The following PTPN4 variants were observed in gnomAD, a reference collection of about 807,000 sequenced individuals.
PTPN4 encodes protein tyrosine phosphatase non-receptor type 4.
Under a neutral mutation model 135.5 loss-of-function variants are expected in PTPN4, and 49 were observed. The ratio of observed to expected loss-of-function variants is 0.36; its 90% CI spans 0.29 to 0.46. The LOEUF is 0.46. Among genes scored for constraint, PTPN4 ranks in the 20% least tolerant of loss-of-function variants. The pLI is 1.00. For synonymous variants in PTPN4, 333 were observed against 369.9 expected, an observed-to-expected ratio of 0.90 and a Z score of 1.14; for missense variants, 860 against 1,101.0, an observed-to-expected ratio of 0.78 and a Z score of 3.10.
At chr2:119,891,097 A>T (rs1291307872) in intron 9 of PTPN4, among the ~76,000 whole-genome samples, 1 of 152,172 alleles carries the variant, frequency 6.6e-6, no homozygotes. Context: ...GCTTGGGGGT[A>T]CAAGTAACAT....
At chr2:119,782,084 G>C (rs1690949731) in intron 1 of PTPN4, among the ~76,000 whole-genome samples, 1 of 152,086 alleles carries the variant, frequency 6.6e-6, no homozygotes, top group Non-Finnish European at 1.5e-5. Flanking sequence ...CTGTCCAGTA[G>C]GATAACCACT....
At chr2:119,896,754 A>G (rs1037391986) in intron 9 of PTPN4, among the ~76,000 whole-genome samples, 3 of 152,212 alleles carry the variant, frequency 2.0e-5, no homozygotes, top group African/African-American at 7.2e-5. Context: ...AACACATGGA[A>G]AAGAATGTTT....
At chr2:119,885,675 G>T in intron 8 of PTPN4, 120 bp from the exon 9 acceptor site, 2 of 610,294 alleles carry the variant, frequency 3.3e-6, no homozygotes, top group Non-Finnish European at 5.6e-6. Context: ...GTCCTGCATG[G>T]TGTTTCATAG....
chr2:119,789,160 T>C (rs1336612138), intron 1 of PTPN4, among the ~76,000 whole-genome samples: 1 of 152,076 alleles, frequency 6.6e-6, no homozygotes, highest in African/African-American at 2.4e-5. Flanking sequence ...GGTTTTAATA[T>C]GCGTTTTCCT....
chr2:119,836,773 C>G (rs1259072025), intron 2 of PTPN4, among the ~76,000 whole-genome samples: 1 of 152,208 alleles, frequency 6.6e-6, no homozygotes, highest in Non-Finnish European at 1.5e-5. Context: ...AAGTTGAGGC[C>G]AAGCCCAGGT....
intron 1 of PTPN4, among the ~76,000 whole-genome samples, chr2:119,770,639 C>G (rs896301344): frequency 6.6e-5 from 10 of 152,160 alleles, no homozygotes; most frequent in Non-Finnish European, 1.3e-4. Flanking sequence ...CCTTGGAGAT[C>G]ATTTGACTTC....
intron 19 of PTPN4, among the ~76,000 whole-genome samples, chr2:119,952,455 A>G (rs933874505): frequency 6.6e-6 from 1 of 152,122 alleles, no homozygotes; most frequent in African/African-American, 2.4e-5. Context: ...ACTTATACCT[A>G]TACTTCATTC....
chr2:119,949,829 C>G (rs761082993), intron 18 of PTPN4, among the ~76,000 whole-genome samples: 2 of 151,916 alleles, frequency 1.3e-5, no homozygotes, highest in African/African-American at 4.8e-5. Flanking sequence ...AGCAACAGAG[C>G]AAGACCCTGT....
At chr2:119,806,417 G>C (rs555103201) in intron 1 of PTPN4, among the ~76,000 whole-genome samples, 1 of 152,116 alleles carries the variant, frequency 6.6e-6, no homozygotes, top group African/African-American at 2.4e-5. Flanking sequence ...AAAAAGCAGG[G>C]GTTGCAATCC....
intron 1 of PTPN4, among the ~76,000 whole-genome samples, chr2:119,768,947 G>A (rs140510587): frequency 3.2e-4 from 48 of 152,310 alleles, no homozygotes; most frequent in African/African-American, 9.9e-4. Flanking sequence ...ATTCAGATTC[G>A]TCTGATACTG....
In PTPN4 at chr2:119,862,583, A is replaced by G. The variant is rs951078509; in HGVS notation, c.186A>G (p.Leu62=). ...TGTTGGATGTCGTCTTCAAGCATCT[A>G]GATTTGACTGAGCAGGACTATTTTG... ...QVLLDVVFKH[L]DLTEQDYFGL... Residue 62 remains leucine, a synonymous_variant, in exon 3 of 27, where the codon CTA becomes CTG. Coordinates refer to ENST00000263708, the MANE Select transcript of PTPN4 (RefSeq NM_002830.4). The G allele has an allele frequency of 6.2e-7, 1 of 1,612,984 alleles. No individual in the cohort carries two copies. The highest frequency in any genetic ancestry group is 1.3e-5 in the African/African-American group (1 of 74,870).
At chr2:119,960,730 A>C in intron 22 of PTPN4, 77 bp from the exon 23 acceptor site, 2 of 1,425,946 alleles carry the variant, frequency 1.4e-6, no homozygotes, top group South Asian at 2.7e-5. Flanking sequence ...TATAACAGTT[A>C]GTGGATGATT....
intron 15 of PTPN4, among the ~76,000 whole-genome samples, chr2:119,936,445 G>A (rs754649520): frequency 6.6e-6 from 1 of 152,156 alleles, no homozygotes; most frequent in Non-Finnish European, 1.5e-5. Flanking sequence ...AATCATGGGG[G>A]TCATTTCTCC....
At chr2:119,878,519 A>G (rs1054023337) in intron 5 of PTPN4, among the ~76,000 whole-genome samples, 8 of 152,150 alleles carry the variant, frequency 5.3e-5, no homozygotes, top group African/African-American at 1.9e-4. Flanking sequence ...ATCATTTAGG[A>G]TACTGTCTTG....
intron 1 of PTPN4, among the ~76,000 whole-genome samples, chr2:119,806,277 C>T (rs1691465725): frequency 6.6e-6 from 1 of 152,078 alleles, no homozygotes; most frequent in African/African-American, 2.4e-5. Context: ...AAAAGACAGA[C>T]TAGCAAATTG....
At chr2:119,975,602 G>C (rs1161398627) in intron 26 of PTPN4, among the ~76,000 whole-genome samples, 1 of 152,176 alleles carries the variant, frequency 6.6e-6, no homozygotes, top group Non-Finnish European at 1.5e-5. Context: ...GCAGGTGCCT[G>C]TAATCCCAGC....
chr2:119,955,227 A>G lies in PTPN4; in HGVS notation c.1884A>G (p.Pro628=), dbSNP rs372420352. 2.3e-5 allele frequency: 37 copies of G among 1,613,524 alleles called. 1 individual carries two copies. Among genetic ancestry groups the G allele is most frequent in the Non-Finnish European group, 3.1e-5 (37 of 1,179,796 alleles). Residue 628 remains proline, a synonymous_variant, in exon 20 of 27, where the codon CCA becomes CCG. Transcript: ENST00000263708. ...PDFQYIPEKA[P]LDSVHQDDHS... ...TCCAGTATATTCCTGAGAAAGCCCC[A>G]CTAGATAGTGTGCATCAGGATGACC...
rs147895660 is a variant in PTPN4 at position 119,901,742 on chromosome 2, C to T, written c.764+936C>T. 3.8e-3 allele frequency among the ~76,000 whole-genome samples: 583 copies of T among 152,066 alleles called. 16 individuals are homozygous for T. Among genetic ancestry groups the T allele is most frequent in the East Asian group, 3.7e-3 (19 of 5,180 alleles). ...AAAAGTATATGGAAAAAGTGTGTAACGTACAAGAACAGACGGAAATGTAAG... is the reference window on the plus strand; with the variant it reads ...AAAAGTATATGGAAAAAGTGTGTAATGTACAAGAACAGACGGAAATGTAAG... On this transcript the variant is annotated intron_variant, in intron 10 of 26. Coordinates refer to ENST00000263708, the MANE Select transcript of PTPN4 (RefSeq NM_002830.4).
intron 26 of PTPN4, among the ~76,000 whole-genome samples, chr2:119,975,993 TTA>T (rs1430492459): frequency 1.8e-4 from 18 of 97,998 alleles, no homozygotes; most frequent in African/African-American, 6.0e-4. Flanking sequence ...TTTTATTTAT[TTA>T]TTTATTTTTT....
Sources: allele counts gnomAD v4.1 joint callset (sites outside exome capture counted in the v4.1 genomes callset), GRCh38; gene constraint gnomAD v4.1.1; transcripts MANE v1.5; gene names NCBI Gene and HGNC (gene_info 2026-07-23, HGNC 2026-07-21).